The following NYAP2 variants were observed in gnomAD, a reference collection of about 807,000 sequenced individuals.
NYAP2 encodes the protein neuronal tyrosine-phosphorylated phosphoinositide-3-kinase adaptor 2, also known as neuronal tyrosine-phosphorylated phosphoinositide-3-kinase adapter 2.
A neutral mutation model predicts 50.4 loss-of-function variants in NYAP2; 23 were observed. That is an observed-to-expected ratio of 0.46 (90% CI 0.33 to 0.65). The LOEUF (loss-of-function observed/expected upper bound fraction) is 0.65, where lower values mean the gene tolerates loss of function less well. Among genes scored for constraint, NYAP2 ranks in the 30% least tolerant of loss-of-function variants. The pLI is 0.02. For missense variants in NYAP2, 885 were observed against 861.0 expected, an observed-to-expected ratio of 1.03 and a Z score of -0.35; for synonymous variants, 394 against 365.2, an observed-to-expected ratio of 1.08 and a Z score of -0.90.
At chr2:225,634,747 C>T (rs1176734462) in intron 6 of NYAP2, among the ~76,000 whole-genome samples, 1 of 152,156 alleles carries the variant, frequency 6.6e-6, no homozygotes, top group African/African-American at 2.4e-5. Context: ...TTTACACACC[C>T]AAACCATGGT....
chr2:225,635,377 C>A (rs902377123), intron 6 of NYAP2, among the ~76,000 whole-genome samples: 2 of 152,088 alleles, frequency 1.3e-5, no homozygotes, highest in African/African-American at 2.4e-5. Flanking sequence ...CTTTCTCTAT[C>A]TTTACAGGAG....
At chr2:225,443,499 T>A (rs1412387222) in intron 3 of NYAP2, among the ~76,000 whole-genome samples, 1 of 151,996 alleles carries the variant, frequency 6.6e-6, no homozygotes, top group Non-Finnish European at 1.5e-5. Context: ...CTTTTACACA[T>A]CAATACTACG....
intron 4 of NYAP2, among the ~76,000 whole-genome samples, chr2:225,564,626 G>A (rs559724865): frequency 2.2e-4 from 34 of 151,598 alleles, no homozygotes; most frequent in African/African-American, 7.7e-4. Flanking sequence ...CAAGAATGAA[G>A]GTACACTGCA....
At position 225,585,149 on chromosome 2, in the gene NYAP2, A is replaced by C. The variant is rs150659768; in HGVS notation, c.1618+2114A>C. ...TAAAGTTTAAAGTTTCTTCCAGATA[A>C]TTCATTGATTGATTTGGTTTTCACA... On this transcript the variant is annotated intron_variant, in intron 5 of 6. Transcript: ENST00000636099. Among the ~76,000 whole-genome samples the C allele has an allele frequency of 2.6e-5, 4 of 152,370 alleles. No individual in the cohort carries two copies. The East Asian group carries it at 7.7e-4, about 29-fold the overall frequency.
chr2:225,461,332 T>C (rs1260179757), intron 3 of NYAP2, among the ~76,000 whole-genome samples: 2 of 152,256 alleles, frequency 1.3e-5, no homozygotes, highest in African/African-American at 4.8e-5. Context: ...ACCCAGGTTG[T>C]GCACAACCCT....
chr2:225,415,548 G>A (rs1695109155), intron 3 of NYAP2, among the ~76,000 whole-genome samples: 1 of 152,122 alleles, frequency 6.6e-6, no homozygotes, highest in Admixed American at 6.6e-5. Flanking sequence ...ATGATTTGTG[G>A]CAGTAGACTT....
chr2:225,626,834 A>C, intron 5 of NYAP2, 83 bp from the exon 6 acceptor site: 1 of 1,038,672 alleles, frequency 9.6e-7, no homozygotes. Flanking sequence ...AGACAATTTT[A>C]GAAAATCACA....
intron 4 of NYAP2, among the ~76,000 whole-genome samples, chr2:225,531,101 C>A (rs183233234): frequency 2.6e-5 from 4 of 152,296 alleles, no homozygotes; most frequent in Admixed American, 6.5e-5. Flanking sequence ...TTCATCTGAT[C>A]GTGTGACTAT....
chr2:225,609,509 GC>G (rs1692843314), intron 5 of NYAP2, among the ~76,000 whole-genome samples: 1 of 152,144 alleles, frequency 6.6e-6, no homozygotes. Flanking sequence ...CTGGAAGTCA[GC>G]TTGGGGCCAG....
chr2:225,671,989 C>CTT, the NYAP2 span, among the ~76,000 whole-genome samples: 1 of 151,394 alleles, frequency 6.6e-6, no homozygotes, highest in African/African-American at 2.4e-5. Context: ...GGCATCCACA[C>CTT]TTTTTTTTTT....
At chr2:225,652,897 A>T (rs1319264147) in exon 7 of NYAP2, 1 of 152,200 alleles carries the variant, frequency 6.6e-6, no homozygotes, top group African/African-American at 2.4e-5. Flanking sequence ...TATATGAGGT[A>T]TCTGCAAATA....
At chr2:225,542,317 G>A (rs181053934) in intron 4 of NYAP2, among the ~76,000 whole-genome samples, 276 of 152,208 alleles carry the variant, frequency 1.8e-3, no homozygotes, top group African/African-American at 6.4e-3. Context: ...GAATAACAGC[G>A]GTGACAGTGG....
chr2:225,583,980 T>C (rs1222497685), intron 5 of NYAP2, among the ~76,000 whole-genome samples: 1 of 152,212 alleles, frequency 6.6e-6, no homozygotes, highest in South Asian at 2.1e-4. Flanking sequence ...AGGCAGAGCT[T>C]GTAGTGAGCC....
At chr2:225,510,964 A>G (rs1291697113) in intron 3 of NYAP2, among the ~76,000 whole-genome samples, 1 of 152,204 alleles carries the variant, frequency 6.6e-6, no homozygotes, top group African/African-American at 2.4e-5. Flanking sequence ...TGATAGAATT[A>G]TTTTTAGTAA....
chr2:225,472,032 G>A (rs1268603884), intron 3 of NYAP2, among the ~76,000 whole-genome samples: 1 of 151,962 alleles, frequency 6.6e-6, no homozygotes, highest in South Asian at 2.1e-4. Flanking sequence ...ACCATCCTTC[G>A]AGGGAGATAT....
intron 3 of NYAP2, among the ~76,000 whole-genome samples, chr2:225,507,058 A>C (rs1169897733): frequency 6.6e-6 from 1 of 152,042 alleles, no homozygotes; most frequent in Non-Finnish European, 1.5e-5. Context: ...AAGCAAGCAA[A>C]CTCCTAGGCA....
the NYAP2 span, among the ~76,000 whole-genome samples, chr2:225,684,129 T>G: frequency 2.0e-5 from 3 of 152,134 alleles, no homozygotes; most frequent in African/African-American, 7.2e-5. Context: ...ATTTAGATGG[T>G]CTGGTCAGAG....
At chr2:225,647,633 A>C (rs920094505) in intron 6 of NYAP2, among the ~76,000 whole-genome samples, 2 of 152,196 alleles carry the variant, frequency 1.3e-5, no homozygotes, top group Non-Finnish European at 2.9e-5. Context: ...GAGGAGTTGC[A>C]GTGACCTTTT....
chr2:225,622,507 TTTC>T (rs1190555997), intron 5 of NYAP2, among the ~76,000 whole-genome samples: 4 of 26,452 alleles, frequency 1.5e-4, no homozygotes, highest in Admixed American at 6.6e-4. Flanking sequence ...ATTTCTTTTC[TTTC>T]TTTCTTTCTT....
Sources: allele counts gnomAD v4.1 joint callset (sites outside exome capture counted in the v4.1 genomes callset), GRCh38; gene constraint gnomAD v4.1.1; transcripts MANE v1.5; gene names NCBI Gene and HGNC (gene_info 2026-07-23, HGNC 2026-07-21).